Variants in COXFA4 observed in about 807,000 individuals in gnomAD.
The protein encoded by COXFA4 is cytochrome c oxidase associated subunit FA4, also known as cytochrome c oxidase subunit FA4.
the COXFA4 span, chr7:10,939,793 C>G: frequency 1.6e-6 from 1 of 638,904 alleles, no homozygotes; most frequent in Non-Finnish European, 2.8e-6. Context: ...TTTTTCCGAG[C>G]AGTGTCCGTC....
the COXFA4 span, among the ~76,000 whole-genome samples, chr7:10,936,453 T>C: frequency 1.3e-5 from 2 of 152,168 alleles, no homozygotes; most frequent in African/African-American, 4.8e-5. Context: ...AGCCTGCTAG[T>C]TTTTTTGTTT....
chr7:10,933,801 A>C, the COXFA4 span: 1 of 749,690 alleles, frequency 1.3e-6, no homozygotes, highest in Non-Finnish European at 2.2e-6. Context: ...TACAGATATG[A>C]ATTTTTAAAA....
At chr7:10,938,645 C>A in the COXFA4 span, 1 of 589,044 alleles carries the variant, frequency 1.7e-6, no homozygotes, top group Non-Finnish European at 3.0e-6. Context: ...ATTTCATGAA[C>A]CAAAAAAAGT....
the COXFA4 span, among the ~76,000 whole-genome samples, chr7:10,935,173 G>T: frequency 6.6e-6 from 1 of 152,212 alleles, no homozygotes; most frequent in Non-Finnish European, 1.5e-5. Context: ...GCACATTCAT[G>T]GCATTGTTGC....
At chr7:10,939,812 C>G in the COXFA4 span, 3 of 685,986 alleles carry the variant, frequency 4.4e-6, no homozygotes, top group South Asian at 4.9e-5. Flanking sequence ...TCTCCTTCCT[C>G]CTGTCAGACA....
chr7:10,938,944 C>T, the COXFA4 span: 10 of 1,400,900 alleles, frequency 7.1e-6, no homozygotes, highest in Non-Finnish European at 1.0e-5. Context: ...ACTTAAAACA[C>T]TGGCCAACGA....
At chr7:10,936,052 A>T in the COXFA4 span, among the ~76,000 whole-genome samples, 1 of 152,136 alleles carries the variant, frequency 6.6e-6, no homozygotes, top group East Asian at 1.9e-4. Context: ...ATCAAATCTG[A>T]TGTCAGTGGG....
the COXFA4 span, chr7:10,937,982 C>A: frequency 3.4e-6 from 3 of 884,216 alleles, no homozygotes; most frequent in Non-Finnish European, 5.7e-6. Flanking sequence ...CTTTAAAGTT[C>A]AATATAATGG....
the COXFA4 span, among the ~76,000 whole-genome samples, chr7:10,936,388 T>G: frequency 6.6e-6 from 1 of 152,238 alleles, no homozygotes; most frequent in Admixed American, 6.5e-5. Context: ...TCTGTTACAC[T>G]TTTTGAACTA....
At chr7:10,939,233 A>C in the COXFA4 span, 1 of 235,426 alleles carries the variant, frequency 4.2e-6, no homozygotes, top group Admixed American at 5.2e-5. Context: ...TTCCCATTAA[A>C]TTTTCTGGCT....
At chr7:10,937,344 G>A in the COXFA4 span, among the ~76,000 whole-genome samples, 1 of 151,598 alleles carries the variant, frequency 6.6e-6, no homozygotes, top group African/African-American at 2.4e-5. Flanking sequence ...GTGCAGTGGC[G>A]TGATCCTGGC....
At chr7:10,933,624 G>C in the COXFA4 span, 3 of 1,604,392 alleles carry the variant, frequency 1.9e-6, no homozygotes, top group Non-Finnish European at 2.6e-6. Flanking sequence ...GCGTTATAGT[G>C]AAACATTTCA....
chr7:10,938,744 G>A, the COXFA4 span: 1 of 1,158,198 alleles, frequency 8.6e-7, no homozygotes, highest in Non-Finnish European at 1.3e-6. Context: ...TCGCCCTACA[G>A]AGACTGTGGC....
At chr7:10,936,087 G>A in the COXFA4 span, among the ~76,000 whole-genome samples, 1 of 152,174 alleles carries the variant, frequency 6.6e-6, no homozygotes, top group Non-Finnish European at 1.5e-5. Flanking sequence ...TCTCTTAGGT[G>A]AGAGATTGTG....
At chr7:10,935,384 T>C in the COXFA4 span, among the ~76,000 whole-genome samples, 42,703 of 152,162 alleles carry the variant, frequency 0.28, 8,549 homozygotes, top group African/African-American at 0.57. Context: ...TCAACTGTTA[T>C]TCAGTTGAGA....
the COXFA4 span, chr7:10,939,715 G>T: frequency 4.4e-6 from 2 of 459,466 alleles, no homozygotes; most frequent in Non-Finnish European, 8.0e-6. Context: ...CTCCTGGACC[G>T]CACAACCTGC....
the COXFA4 span, chr7:10,940,003 G>C: frequency 6.2e-7 from 1 of 1,613,806 alleles, no homozygotes; most frequent in Non-Finnish European, 8.5e-7. Flanking sequence ...TAGGAGAGCG[G>C]TCACGAACTT....
chr7:10,934,123 T>C, the COXFA4 span, among the ~76,000 whole-genome samples: 1 of 152,106 alleles, frequency 6.6e-6, no homozygotes, highest in Admixed American at 6.6e-5. Flanking sequence ...TGCTGTAATT[T>C]AGAGGGAGAG....
the COXFA4 span, chr7:10,939,948 A>C: frequency 6.4e-7 from 1 of 1,558,752 alleles, no homozygotes; most frequent in Non-Finnish European, 8.8e-7. Flanking sequence ...TTCCCAGGGA[A>C]CAGAAAGAGG....
Sources: gnomAD v4.1 joint callset for allele counts (sites outside exome capture counted in the v4.1 genomes callset) on GRCh38, gnomAD v4.1.1 for gene constraint, MANE v1.5 for transcripts, NCBI Gene and HGNC (gene_info 2026-07-23, HGNC 2026-07-21) for gene names.